Variants in LIPC observed in about 807,000 individuals in gnomAD.
LIPC encodes the protein hepatic triacylglycerol lipase.
A neutral mutation model predicts 50.7 loss-of-function variants in LIPC; 44 were observed. The observed-to-expected ratio is 0.87, with a 90% CI of 0.68 to 1.11. The LOEUF is 1.11. Among genes scored for constraint, LIPC ranks in the 50% most tolerant of loss-of-function variants. The pLI is 0.00. For synonymous variants in LIPC, 271 were observed against 256.4 expected, an observed-to-expected ratio of 1.06 and a Z score of -0.54; for missense variants, 697 against 648.2, an observed-to-expected ratio of 1.08 and a Z score of -0.82.
intron 1 of LIPC, among the ~76,000 whole-genome samples, chr15:58,469,788 G>A (rs1366107552): frequency 1.3e-5 from 2 of 152,180 alleles, no homozygotes; most frequent in African/African-American, 4.8e-5. Flanking sequence ...AACAAAGCTC[G>A]TTGAGAAGAT....
intron 6 of LIPC, among the ~76,000 whole-genome samples, chr15:58,549,041 ATAT>A (rs1893650732): frequency 6.6e-6 from 1 of 152,166 alleles, no homozygotes; most frequent in Non-Finnish European, 1.5e-5. Context: ...ATAGGACATG[ATAT>A]TCACCCTGAG....
chr15:58,549,609 T>C (rs1360002628), intron 6 of LIPC, among the ~76,000 whole-genome samples: 2 of 152,228 alleles, frequency 1.3e-5, no homozygotes, highest in African/African-American at 4.8e-5. Flanking sequence ...CACCTGACTC[T>C]CAGTCGTGAG....
chr15:58,527,495 T>C (rs1892830211), intron 1 of LIPC, among the ~76,000 whole-genome samples: 1 of 152,158 alleles, frequency 6.6e-6, no homozygotes, highest in Non-Finnish European at 1.5e-5. Flanking sequence ...AGGGCCAGCC[T>C]TTGATTAAAA....
rs1455051696 is a variant in LIPC, at chr15:58,517,185, C to T, written c.89-21148C>T. Among the ~76,000 whole-genome samples, 5 of 152,228 alleles carry T rather than the reference C, an allele frequency of 3.3e-5. No homozygotes were observed. In the East Asian group the frequency reaches 5.8e-4, roughly 18 times the overall value. ...GTGTTTGAGTAGAACTGTTAACTGCCTCACCTCACTCTCCTGTGTATTCAC... is the reference window on the plus strand; with the variant it reads ...GTGTTTGAGTAGAACTGTTAACTGCTTCACCTCACTCTCCTGTGTATTCAC... On this transcript the variant is annotated intron_variant, in intron 1 of 8. Coordinates refer to ENST00000299022, the MANE Select transcript of LIPC (RefSeq NM_000236.3).
At chr15:58,503,057 T>G (rs1251109329) in intron 1 of LIPC, among the ~76,000 whole-genome samples, 1 of 152,142 alleles carries the variant, frequency 6.6e-6, no homozygotes, top group Non-Finnish European at 1.5e-5. Context: ...TATAGGTGCT[T>G]TATAAATATT....
intron 1 of LIPC, among the ~76,000 whole-genome samples, chr15:58,484,378 G>C (rs1284267709): frequency 2.2e-4 from 34 of 152,322 alleles, no homozygotes; most frequent in Admixed American, 1.6e-3. Flanking sequence ...GTGGACACGA[G>C]CACATCTGAC....
At chr15:58,547,880 TA>T (rs1893592179) in intron 5 of LIPC, among the ~76,000 whole-genome samples, 1 of 152,096 alleles carries the variant, frequency 6.6e-6, no homozygotes, top group Non-Finnish European at 1.5e-5. Context: ...CTAGTTATAT[TA>T]AGAGAAGAGG....
intron 1 of LIPC, among the ~76,000 whole-genome samples, chr15:58,535,195 T>C (rs1366799918): frequency 2.0e-5 from 3 of 152,146 alleles, no homozygotes; most frequent in African/African-American, 4.8e-5. Flanking sequence ...CAACCACTTT[T>C]AATAGTTGCT....
intron 1 of LIPC, among the ~76,000 whole-genome samples, chr15:58,526,648 C>T (rs1201860661): frequency 6.6e-6 from 1 of 152,140 alleles, no homozygotes; most frequent in African/African-American, 2.4e-5. Context: ...CAGAGAGGTA[C>T]CAAATAGGCT....
chr15:58,557,407 T>C (rs7173774), intron 6 of LIPC, among the ~76,000 whole-genome samples: 117,584 of 119,384 alleles, frequency 0.98, 57,957 homozygotes, highest in East Asian at 1. Flanking sequence ...TTTTTTGAGA[T>C]GTAGTCTTGC....
At chr15:58,437,034 T>A (rs1319901396) in intron 1 of LIPC, 3 of 365,724 alleles carry the variant, frequency 8.2e-6, no homozygotes, top group African/African-American at 2.1e-5. Context: ...GGACTCCAGC[T>A]ACTGCTAAGT....
chr15:58,544,781 T>C (rs1308865196), intron 4 of LIPC, among the ~76,000 whole-genome samples: 2 of 151,742 alleles, frequency 1.3e-5, no homozygotes, highest in African/African-American at 2.4e-5. Flanking sequence ...GCCCCCCAAG[T>C]AGGGAAGGAA....
intron 1 of LIPC, among the ~76,000 whole-genome samples, chr15:58,529,296 C>G (rs1892879242): frequency 6.6e-6 from 1 of 152,224 alleles, no homozygotes; most frequent in African/African-American, 2.4e-5. Flanking sequence ...GGGAGCCTCC[C>G]TGGCCTAACC....
rs537830442 is a variant in LIPC, at chr15:58,470,671, C to T, written c.88+38551C>T. ...CTGGAGTTCTGTGGCGAGATCTCGG[C>T]TCACCGCAACCTCCGCCTCCCGGGT... On this transcript the variant is annotated intron_variant, in intron 1 of 8. Transcript: ENST00000299022. Among the ~76,000 whole-genome samples the T allele has an allele frequency of 3.4e-5, 5 of 148,618 alleles. No individual in the cohort carries two copies. In the East Asian group the frequency reaches 8.1e-4, roughly 24 times the overall value.
intron 1 of LIPC, among the ~76,000 whole-genome samples, chr15:58,513,565 G>A (rs745812578): frequency 1.3e-5 from 2 of 152,184 alleles, no homozygotes; most frequent in Non-Finnish European, 2.9e-5. Flanking sequence ...ACAGCAGAGG[G>A]AAATATTCAG....
chr15:58,556,865 T>C (rs1196366209), intron 6 of LIPC, among the ~76,000 whole-genome samples: 1 of 152,186 alleles, frequency 6.6e-6, no homozygotes, highest in African/African-American at 2.4e-5. Context: ...GGAGGGAAGA[T>C]AAAGTAGGCA....
rs1894485671 is a variant in LIPC at position 58,569,591 on chromosome 15, G to A, written c.*764G>A. On this transcript the variant is annotated 3_prime_UTR_variant, in exon 9 of 9. Transcript: ENST00000299022. Reference sequence around the variant, plus strand: ...CATATGCTGAAATCTAATCCCCAATGTGATGGTGTTTGGAGGTGGGGCCTT... The same window carrying A: ...CATATGCTGAAATCTAATCCCCAATATGATGGTGTTTGGAGGTGGGGCCTT... 1 of 152,214 alleles carries A rather than the reference G, an allele frequency of 6.6e-6. No homozygotes were observed. Among genetic ancestry groups the A allele is most frequent in the Non-Finnish European group, 1.5e-5 (1 of 68,060 alleles). 9.4% of individuals were successfully genotyped at this position (152,214 alleles called of 1,614,324 possible). A position where few individuals can be genotyped will look rare whatever the true frequency, so the allele number is the denominator to read the frequency against.
At chr15:58,551,307 G>A (rs912256308) in intron 6 of LIPC, among the ~76,000 whole-genome samples, 2 of 152,158 alleles carry the variant, frequency 1.3e-5, no homozygotes, top group East Asian at 3.9e-4. Flanking sequence ...ACTCATGCGA[G>A]ACTCGCCTGT....
At chr15:58,437,782 C>T (rs1311602809) in intron 1 of LIPC, among the ~76,000 whole-genome samples, 1 of 152,196 alleles carries the variant, frequency 6.6e-6, no homozygotes. Context: ...ACTCATTCTT[C>T]CAAGAGTGCG....
Sources: gnomAD v4.1 joint callset for allele counts (sites outside exome capture counted in the v4.1 genomes callset) on GRCh38, gnomAD v4.1.1 for gene constraint, MANE v1.5 for transcripts, NCBI Gene and HGNC (gene_info 2026-07-23, HGNC 2026-07-21) for gene names.